Variants in SBF2 observed in about 807,000 individuals in gnomAD.
The protein encoded by SBF2 is SET binding factor 2.
Under a neutral mutation model 225.2 loss-of-function variants are expected in SBF2, and 112 were observed. That is an observed-to-expected ratio of 0.50 (90% CI 0.43 to 0.58). SBF2 has a LOEUF of 0.58. Among genes scored for constraint, SBF2 ranks in the 20% least tolerant of loss-of-function variants. The pLI is 0.00. For missense variants in SBF2, 1,996 were observed against 2,206.2 expected (o/e 0.90, Z 1.91); for synonymous variants, 763 against 773.3 (o/e 0.99, Z 0.22).
intron 1 of SBF2, among the ~76,000 whole-genome samples, chr11:10,237,831 G>A (rs4910109): frequency 0.4 from 60,125 of 151,904 alleles, 12,931 homozygotes; most frequent in Non-Finnish European, 0.48. Flanking sequence ...ACTATAGATT[G>A]GTTTGTATAA....
At chr11:10,196,025 A>G (rs556188886) in intron 1 of SBF2, among the ~76,000 whole-genome samples, 4 of 152,330 alleles carry the variant, frequency 2.6e-5, no homozygotes, top group East Asian at 1.9e-4. Flanking sequence ...CTCATAATCA[A>G]TTCGGGGAAA....
At chr11:10,237,402 T>C (rs1251789969) in intron 1 of SBF2, among the ~76,000 whole-genome samples, 1 of 152,046 alleles carries the variant, frequency 6.6e-6, no homozygotes, top group Non-Finnish European at 1.5e-5. Context: ...GGGAGTGTTG[T>C]TAAATACCTG....
chr11:10,171,844 T>G (rs1281346548), intron 2 of SBF2, among the ~76,000 whole-genome samples: 1 of 152,136 alleles, frequency 6.6e-6, no homozygotes, highest in East Asian at 1.9e-4. Flanking sequence ...TCTGTTCAGG[T>G]TTTGGATTTC....
chr11:10,293,759 C>G (rs1014639813), intron 1 of SBF2, among the ~76,000 whole-genome samples: 1 of 152,212 alleles, frequency 6.6e-6, no homozygotes, highest in Non-Finnish European at 1.5e-5. Context: ...CCCCAACTCG[C>G]CTCCGGCCCG....
chr11:10,057,243 C>T (rs1210241613), intron 2 of SBF2, among the ~76,000 whole-genome samples: 4 of 152,168 alleles, frequency 2.6e-5, no homozygotes, highest in Non-Finnish European at 2.9e-5. Context: ...GCAGGTCCTC[C>T]AGGCCTGAGC....
chr11:10,170,215 C>T (rs755655589), intron 2 of SBF2, among the ~76,000 whole-genome samples: 13 of 152,058 alleles, frequency 8.5e-5, no homozygotes, highest in Non-Finnish European at 1.9e-4. Context: ...CAGTTCAGTG[C>T]CCTAGAGTTT....
chr11:9,995,254 T>C (rs967476087), intron 9 of SBF2, among the ~76,000 whole-genome samples: 3 of 152,140 alleles, frequency 2.0e-5, no homozygotes, highest in Admixed American at 2.0e-4. Context: ...TTGGGGAGCA[T>C]CTGGGAAAGA....
intron 2 of SBF2, among the ~76,000 whole-genome samples, chr11:10,125,338 T>A (rs1953700462): frequency 6.6e-6 from 1 of 152,116 alleles, no homozygotes. Flanking sequence ...CCTTTTTTGC[T>A]ATCTTCATTA....
chr11:10,155,476 GT>G (rs1479845000), intron 2 of SBF2, among the ~76,000 whole-genome samples: 2 of 151,936 alleles, frequency 1.3e-5, no homozygotes, highest in Non-Finnish European at 2.9e-5. Context: ...CCATTTATTT[GT>G]TTTTTTAAAG....
intron 16 of SBF2, among the ~76,000 whole-genome samples, chr11:9,946,437 T>TTTC (rs1865565747): frequency 6.7e-6 from 1 of 148,558 alleles, no homozygotes; most frequent in Non-Finnish European, 1.5e-5. Context: ...ATATTTCTTT[T>TTTC]TTTCTTTCTT....
chr11:10,039,520 A>G (rs1464126828), intron 3 of SBF2, among the ~76,000 whole-genome samples: 1 of 151,980 alleles, frequency 6.6e-6, no homozygotes, highest in African/African-American at 2.4e-5. Flanking sequence ...AAATCTTGGA[A>G]AAACTGATAT....
chr11:10,139,076 A>G (rs1166239530), intron 2 of SBF2, among the ~76,000 whole-genome samples: 4 of 152,238 alleles, frequency 2.6e-5, no homozygotes, highest in East Asian at 1.9e-4. Context: ...GAGATTATTC[A>G]TATCATAAAC....
intron 1 of SBF2, among the ~76,000 whole-genome samples, chr11:10,249,712 T>G (rs987236001): frequency 6.8e-6 from 1 of 146,272 alleles, no homozygotes. Flanking sequence ...TATGGGGGAG[T>G]CCATAGCATT....
intron 13 of SBF2, among the ~76,000 whole-genome samples, chr11:9,973,592 G>A (rs141326014): frequency 3.3e-4 from 50 of 152,198 alleles, no homozygotes; most frequent in African/African-American, 1.1e-3. Flanking sequence ...TTAGTAATTC[G>A]AGGTAGAATG....
At chr11:10,265,132 T>C (rs1242415852) in intron 1 of SBF2, among the ~76,000 whole-genome samples, 1 of 152,162 alleles carries the variant, frequency 6.6e-6, no homozygotes, top group Admixed American at 6.5e-5. Context: ...GTATTTCTAG[T>C]TCTAGATCCT....
At chr11:10,129,122 T>A (rs1953902772) in intron 2 of SBF2, among the ~76,000 whole-genome samples, 2 of 148,176 alleles carry the variant, frequency 1.3e-5, no homozygotes, top group South Asian at 4.3e-4. Context: ...TTTTTTTTTT[T>A]TTTGAGACAC....
chr11:9,975,730 T>C (rs867591133), intron 13 of SBF2, among the ~76,000 whole-genome samples: 9 of 152,182 alleles, frequency 5.9e-5, no homozygotes, highest in Non-Finnish European at 8.8e-5. Context: ...CAGGGCTTCA[T>C]TTCATCATCA....
chr11:10,014,097 T>C (rs1339373088), intron 6 of SBF2, among the ~76,000 whole-genome samples: 1 of 152,204 alleles, frequency 6.6e-6, no homozygotes, highest in Non-Finnish European at 1.5e-5. Flanking sequence ...CTAGCCCTAG[T>C]CCAACCATTT....
chr11:9,953,497 A>G (rs1865981282), intron 16 of SBF2, among the ~76,000 whole-genome samples: 1 of 152,182 alleles, frequency 6.6e-6, no homozygotes, highest in Non-Finnish European at 1.5e-5. Context: ...AATACTACTC[A>G]GCCATAAAAA....
Sources: allele counts gnomAD v4.1 joint callset (sites outside exome capture counted in the v4.1 genomes callset), GRCh38; gene constraint gnomAD v4.1.1; transcripts MANE v1.5; gene names NCBI Gene and HGNC (gene_info 2026-07-23, HGNC 2026-07-21).